Variants in EDA observed in about 807,000 individuals in gnomAD.
EDA encodes ectodysplasin A.
In EDA, 2 loss-of-function variants were observed where a neutral mutation model predicts 23.6. That is an observed-to-expected ratio of 0.08 (90% CI 0.03 to 0.27). The LOEUF is 0.27. Among genes scored for constraint, EDA ranks in the 10% least tolerant of loss-of-function variants. EDA has a pLI of 1.00. For synonymous variants in EDA, 131 were observed against 132.0 expected (o/e 0.99, Z 0.05); for missense variants, 229 against 324.2 (o/e 0.71, Z 2.26).
chrX:69,700,480 A>G (rs1456370169), intron 1 of EDA, among the ~76,000 whole-genome samples: 1 of 111,949 alleles, frequency 8.9e-6, no homozygotes, highest in Admixed American at 9.5e-5. Flanking sequence ...CTGGGAGTAC[A>G]GCCTGGTTAA....
intron 1 of EDA, among the ~76,000 whole-genome samples, chrX:69,682,196 G>C (rs374125002): frequency 8.9e-6 from 1 of 112,164 alleles, no homozygotes; most frequent in Non-Finnish European, 1.9e-5. Context: ...CTCCAGCTGC[G>C]TGCTGGGAGA....
intron 1 of EDA, chrX:69,937,962 T>C (rs2018699494): frequency 8.3e-7 from 1 of 1,203,068 alleles, no homozygotes; most frequent in Non-Finnish European, 1.1e-6. Context: ...TTCATCCACG[T>C]TGCAAGCCCA....
intron 1 of EDA, among the ~76,000 whole-genome samples, chrX:69,913,968 C>T (rs2018305505): frequency 8.9e-6 from 1 of 111,740 alleles, no homozygotes. Context: ...AGTTTTCTCT[C>T]TTATATGGGT....
rs57210157 is a variant in EDA at position 69,978,517 on chromosome X, A to AAAAAG, written c.502+21388_502+21389insAGAAA. On this transcript the variant is annotated intron_variant, in intron 2 of 7. Coordinates refer to ENST00000374552, the MANE Select transcript of EDA (RefSeq NM_001399.5). Reference sequence around the variant, plus strand: ...GAATCTGTCTCAAAAAAAAAAAAAAAAAAGAAAGAAAGAAAAAAAGCAGCT... The same window carrying AAAAAG: ...GAATCTGTCTCAAAAAAAAAAAAAAAAAAAGAAAGAAAGAAAGAAAAAAAGCAGCT... 6.8e-5 allele frequency among the ~76,000 whole-genome samples: 7 copies of AAAAAG among 103,279 alleles called. No homozygotes were observed. In the East Asian group the frequency reaches 1.0e-3, roughly 15 times the overall value. The allele number at this position is 103,279 out of a possible 115,157, so 89.7% of individuals were successfully genotyped here.
chrX:69,905,012 A>T (rs1226660300), intron 1 of EDA, among the ~76,000 whole-genome samples: 3 of 112,416 alleles, frequency 2.7e-5, no homozygotes, highest in Non-Finnish European at 5.6e-5. Flanking sequence ...TTTCTTCAAT[A>T]TACTGATTTC....
rs1437248841 is a variant in EDA, at chrX:69,617,504, A to T, written c.396+800A>T. The stretch of plus-strand genomic sequence containing the variant: ...AATAATTACTCAGGACTCGTCCCCC[A>T]AGAGCAGTTTTGTTTGTTTTTGCAA... On this transcript the variant is annotated intron_variant, in intron 1 of 7. Transcript: ENST00000374552. Among the ~76,000 whole-genome samples the T allele has an allele frequency of 2.7e-5, 3 of 110,960 alleles. No homozygotes were observed. In the Admixed American group the frequency reaches 2.9e-4, roughly 11 times the overall value.
At chrX:69,681,706 T>C (rs1264978478) in intron 1 of EDA, among the ~76,000 whole-genome samples, 1 of 110,415 alleles carries the variant, frequency 9.1e-6, no homozygotes, top group Non-Finnish European at 1.9e-5. Flanking sequence ...TATTGGTTAT[T>C]CTAGTTATAC....
At chrX:69,686,724 A>G (rs930036229) in intron 1 of EDA, among the ~76,000 whole-genome samples, 1 of 111,566 alleles carries the variant, frequency 9.0e-6, no homozygotes, top group Non-Finnish European at 1.9e-5. Context: ...TTCACTTAGC[A>G]TAATATTTTC....
intron 1 of EDA, among the ~76,000 whole-genome samples, chrX:69,807,921 T>G (rs1213716880): frequency 8.9e-6 from 1 of 111,902 alleles, no homozygotes; most frequent in Non-Finnish European, 1.9e-5. Flanking sequence ...ATAAATTACT[T>G]AGTATCTCTG....
At chrX:69,660,175 T>C (rs1933440272) in intron 1 of EDA, among the ~76,000 whole-genome samples, 1 of 111,356 alleles carries the variant, frequency 9.0e-6, no homozygotes, top group African/African-American at 3.3e-5. Flanking sequence ...TCCACATTTC[T>C]CTACTCACCC....
At chrX:69,876,178 C>T (rs1318819842) in intron 1 of EDA, among the ~76,000 whole-genome samples, 1 of 111,232 alleles carries the variant, frequency 9.0e-6, no homozygotes, top group Non-Finnish European at 1.9e-5. Flanking sequence ...AAAAAAGATG[C>T]CTGCACACGC....
chrX:69,622,979 C>T (rs1199519104), intron 1 of EDA, among the ~76,000 whole-genome samples: 1 of 111,844 alleles, frequency 8.9e-6, no homozygotes, highest in African/African-American at 3.2e-5. Context: ...TATAGCATCA[C>T]CTTTGTCATA....
chrX:69,975,997 G>A (rs958274250), intron 2 of EDA, among the ~76,000 whole-genome samples: 3 of 111,802 alleles, frequency 2.7e-5, no homozygotes, highest in Non-Finnish European at 5.6e-5. Context: ...TGCTCTTTAT[G>A]TGTAAACCCA....
intron 1 of EDA, among the ~76,000 whole-genome samples, chrX:69,781,141 A>G (rs2014930993): frequency 9.0e-6 from 1 of 111,396 alleles, no homozygotes; most frequent in Non-Finnish European, 1.9e-5. Flanking sequence ...TTATCTACTC[A>G]TCAGGTGATG....
chrX:69,662,142 C>A (rs975996509), intron 1 of EDA, among the ~76,000 whole-genome samples: 8 of 111,672 alleles, frequency 7.2e-5, no homozygotes, highest in Non-Finnish European at 1.3e-4. Flanking sequence ...CTCAAGCCCC[C>A]ACCCATAGTA....
chrX:70,007,144 T>G (rs775814462), intron 2 of EDA, among the ~76,000 whole-genome samples: 1 of 112,468 alleles, frequency 8.9e-6, no homozygotes, highest in Admixed American at 9.4e-5. Flanking sequence ...AGCTTTATAG[T>G]AAGTATTGAA....
chrX:69,851,157 T>TTGTGTGTGTGTGTG (rs57593985), intron 1 of EDA, among the ~76,000 whole-genome samples: 57 of 101,911 alleles, frequency 5.6e-4, no homozygotes, highest in South Asian at 3.2e-3. Flanking sequence ...GATCAAGGGT[T>TTGTGTGTGTGTGTG]TGTGTGTGTG....
chrX:69,964,677 G>A (rs764528605), intron 2 of EDA, among the ~76,000 whole-genome samples: 3 of 111,717 alleles, frequency 2.7e-5, no homozygotes, highest in Admixed American at 9.5e-5. Flanking sequence ...ATGAAGTGAA[G>A]GCTAAGAAGG....
intron 1 of EDA, among the ~76,000 whole-genome samples, chrX:69,715,009 T>A (rs1311544809): frequency 9.1e-6 from 1 of 109,838 alleles, no homozygotes; most frequent in Non-Finnish European, 1.9e-5. Flanking sequence ...TGTCTTCCAA[T>A]CAATGAACAC....
Sources: allele counts gnomAD v4.1 joint callset (sites outside exome capture counted in the v4.1 genomes callset), GRCh38; gene constraint gnomAD v4.1.1; transcripts MANE v1.5; gene names NCBI Gene and HGNC (gene_info 2026-07-23, HGNC 2026-07-21).